The following UNC13C variants were observed in gnomAD, a reference collection of about 807,000 sequenced individuals.
UNC13C encodes the protein protein unc-13 homolog C.
Under a neutral mutation model 245.4 loss-of-function variants are expected in UNC13C, and 174 were observed. The observed-to-expected ratio is 0.71, with a 90% CI of 0.63 to 0.80. The LOEUF is 0.80. UNC13C is among the 30% of genes least tolerant of loss of function. The pLI is 0.00. For synonymous variants in UNC13C, 992 were observed against 895.1 expected (o/e 1.11, Z -1.93); for missense variants, 2,829 against 2,602.9 (o/e 1.09, Z -1.89).
At chr15:54,069,171 G>A (rs1208346355) in intron 2 of UNC13C, among the ~76,000 whole-genome samples, 1 of 152,124 alleles carries the variant, frequency 6.6e-6, no homozygotes, top group Non-Finnish European at 1.5e-5. Context: ...CAATGACAAA[G>A]GTTATCACTA....
chr15:54,311,455 G>C (rs2037870950), intron 13 of UNC13C, among the ~76,000 whole-genome samples: 1 of 151,580 alleles, frequency 6.6e-6, no homozygotes, highest in Admixed American at 6.6e-5. Flanking sequence ...AAACACTATG[G>C]TAATGCTAAG....
At chr15:54,289,636 A>C (rs1411743478) in intron 10 of UNC13C, among the ~76,000 whole-genome samples, 1 of 152,098 alleles carries the variant, frequency 6.6e-6, no homozygotes, top group African/African-American at 2.4e-5. Context: ...GTCACTCAAG[A>C]ATGACTGTAG....
chr15:53,888,213 C>G, the UNC13C span, among the ~76,000 whole-genome samples: 1 of 152,170 alleles, frequency 6.6e-6, no homozygotes, highest in African/African-American at 2.4e-5. Flanking sequence ...TCTCCAGCAT[C>G]TGTTGTTTCC....
chr15:54,348,132 C>T (rs1011202334), intron 17 of UNC13C, among the ~76,000 whole-genome samples: 1 of 152,118 alleles, frequency 6.6e-6, no homozygotes, highest in Non-Finnish European at 1.5e-5. Flanking sequence ...TTTACAACTG[C>T]CTACAGCATG....
At chr15:53,976,565 A>G (rs1182014244), upstream of UNC13C, among the ~76,000 whole-genome samples, 2 of 139,624 alleles carry the variant, frequency 1.4e-5, no homozygotes, top group Non-Finnish European at 3.0e-5. Context: ...TCCGCCTTCC[A>G]GGTTCAAGTG....
intron 19 of UNC13C, among the ~76,000 whole-genome samples, chr15:54,471,856 T>C (rs1469867355): frequency 6.6e-6 from 1 of 151,692 alleles, no homozygotes; most frequent in Non-Finnish European, 1.5e-5. Context: ...AAAGACCCAA[T>C]TATGTGCTAT....
At chr15:54,441,785 G>A (rs930638198) in intron 19 of UNC13C, among the ~76,000 whole-genome samples, 1 of 151,892 alleles carries the variant, frequency 6.6e-6, no homozygotes, top group Non-Finnish European at 1.5e-5. Flanking sequence ...TTACGTGTAT[G>A]ATTGTTTTAA....
chr15:54,169,195 CA>C (rs1438677814), intron 4 of UNC13C, among the ~76,000 whole-genome samples: 1 of 152,064 alleles, frequency 6.6e-6, no homozygotes, highest in Non-Finnish European at 1.5e-5. Context: ...TTAAAAAGCC[CA>C]AAAGAATGTT....
intron 2 of UNC13C, among the ~76,000 whole-genome samples, chr15:54,072,069 TCTC>T (rs1898354797): frequency 6.6e-6 from 1 of 152,162 alleles, no homozygotes; most frequent in Non-Finnish European, 1.5e-5. Flanking sequence ...AATTTGATCT[TCTC>T]CATTCTTTTA....
chr15:54,487,966 A>T (rs1163211235), intron 19 of UNC13C, among the ~76,000 whole-genome samples: 1 of 151,986 alleles, frequency 6.6e-6, no homozygotes, highest in Non-Finnish European at 1.5e-5. Flanking sequence ...CCTTGTTAAC[A>T]CTATAGCTTA....
chr15:54,186,561 A>T (rs932002932), intron 4 of UNC13C, among the ~76,000 whole-genome samples: 1 of 148,036 alleles, frequency 6.8e-6, no homozygotes, highest in Admixed American at 6.6e-5. Context: ...ATCATACAGT[A>T]TAATTTTTCC....
At chr15:54,141,526 T>G (rs1048513965) in intron 2 of UNC13C, among the ~76,000 whole-genome samples, 1 of 152,062 alleles carries the variant, frequency 6.6e-6, no homozygotes, top group Non-Finnish European at 1.5e-5. Context: ...AATCCCATTT[T>G]AAGGAGGTTT....
At chr15:54,599,484 G>C (rs546033084) in intron 30 of UNC13C, among the ~76,000 whole-genome samples, 3 of 151,874 alleles carry the variant, frequency 2.0e-5, no homozygotes, top group Admixed American at 1.3e-4. Context: ...TGCTATTTGT[G>C]GATAAAAATG....
chr15:54,292,892 T>C (rs2037334638), intron 10 of UNC13C, among the ~76,000 whole-genome samples: 1 of 148,416 alleles, frequency 6.7e-6, no homozygotes, highest in African/African-American at 2.4e-5. Flanking sequence ...CATATATCTA[T>C]ATTAATTATA....
At chr15:53,855,620 C>T in the UNC13C span, among the ~76,000 whole-genome samples, 3 of 152,198 alleles carry the variant, frequency 2.0e-5, no homozygotes, top group African/African-American at 7.2e-5. Flanking sequence ...CTATGTTAAA[C>T]CAAGCTTGCA....
At chr15:54,389,637 A>G (rs1447969944) in intron 17 of UNC13C, among the ~76,000 whole-genome samples, 1 of 152,222 alleles carries the variant, frequency 6.6e-6, no homozygotes, top group African/African-American at 2.4e-5. Context: ...ACACTTCATC[A>G]AAAGCTGTTA....
At chr15:54,066,423 T>C (rs763690947) in intron 2 of UNC13C, among the ~76,000 whole-genome samples, 6 of 152,244 alleles carry the variant, frequency 3.9e-5, no homozygotes, top group Non-Finnish European at 5.9e-5. Flanking sequence ...TTTTGTGTCT[T>C]CGCTGTTTTC....
At chr15:54,488,559 C>G (rs1450157828) in intron 19 of UNC13C, among the ~76,000 whole-genome samples, 1 of 152,090 alleles carries the variant, frequency 6.6e-6, no homozygotes, top group East Asian at 1.9e-4. Flanking sequence ...ATATACCATT[C>G]CTATTATGTA....
chr15:53,845,967 T>C, the UNC13C span, among the ~76,000 whole-genome samples: 1 of 152,148 alleles, frequency 6.6e-6, no homozygotes, highest in East Asian at 1.9e-4. Flanking sequence ...GTAGAAAACA[T>C]ACTCCAAGTA....
Sources: allele counts gnomAD v4.1 joint callset (sites outside exome capture counted in the v4.1 genomes callset), GRCh38; gene constraint gnomAD v4.1.1; transcripts MANE v1.5; gene names NCBI Gene and HGNC (gene_info 2026-07-23, HGNC 2026-07-21).